TMCO5A: variants seen among roughly 807,000 people sequenced by gnomAD.
TMCO5A encodes transmembrane and coiled-coil domains 5A.
Under a neutral mutation model 42.3 loss-of-function variants are expected in TMCO5A, and 34 were observed. The observed-to-expected ratio is 0.80, with a 90% CI of 0.61 to 1.07. TMCO5A has a LOEUF of 1.07. TMCO5A is among the 50% of genes least tolerant of loss of function. The pLI, the probability that TMCO5A is intolerant of heterozygous loss-of-function variation, is 0.00. For missense variants in TMCO5A, 357 were observed against 327.9 expected, an observed-to-expected ratio of 1.09 and a Z score of -0.69; for synonymous variants, 131 against 115.6, an observed-to-expected ratio of 1.13 and a Z score of -0.86.
the TMCO5A span, among the ~76,000 whole-genome samples, chr15:38,006,946 C>T: frequency 6.6e-6 from 1 of 151,834 alleles, no homozygotes; most frequent in Non-Finnish European, 1.5e-5. Context: ...CATTGTAGCA[C>T]TAAAGCAGCT....
chr15:38,034,270 A>C, the TMCO5A span, among the ~76,000 whole-genome samples: 1 of 152,266 alleles, frequency 6.6e-6, no homozygotes, highest in African/African-American at 2.4e-5. Flanking sequence ...CACATTGCCA[A>C]TTAAGTTTCA....
At chr15:37,978,273 T>C in the TMCO5A span, among the ~76,000 whole-genome samples, 2 of 152,148 alleles carry the variant, frequency 1.3e-5, no homozygotes, top group Non-Finnish European at 1.5e-5. Flanking sequence ...AATAAAGCCC[T>C]CAGACTCTTT....
chr15:38,007,951 A>T, the TMCO5A span, among the ~76,000 whole-genome samples: 2 of 119,722 alleles, frequency 1.7e-5, no homozygotes, highest in Admixed American at 2.4e-4. Context: ...GCTGGAGTGC[A>T]GTGGCACGAT....
the TMCO5A span, among the ~76,000 whole-genome samples, chr15:37,986,503 C>T: frequency 6.6e-6 from 1 of 151,282 alleles, no homozygotes; most frequent in Non-Finnish European, 1.5e-5. Context: ...TACAGTTCAG[C>T]AGCATTAAGT....
intron 5 of TMCO5A, 134 bp downstream of exon 5, chr15:37,937,530 T>C: frequency 1.2e-6 from 1 of 860,728 alleles, no homozygotes; most frequent in Non-Finnish European, 1.8e-6. Flanking sequence ...TATTACTCTC[T>C]AATCCACTCT....
the TMCO5A span, among the ~76,000 whole-genome samples, chr15:38,008,624 G>T: frequency 6.6e-6 from 1 of 152,162 alleles, no homozygotes; most frequent in African/African-American, 2.4e-5. Context: ...ATAAGCTTCT[G>T]ATATCCCTGG....
At chr15:38,012,091 T>C in the TMCO5A span, among the ~76,000 whole-genome samples, 1 of 150,062 alleles carries the variant, frequency 6.7e-6, no homozygotes, top group African/African-American at 2.5e-5. Context: ...GCCACTGCAC[T>C]CCACCCTAGG....
chr15:37,981,413 C>G, the TMCO5A span, among the ~76,000 whole-genome samples: 9 of 152,160 alleles, frequency 5.9e-5, no homozygotes, highest in Non-Finnish European at 1.3e-4. Flanking sequence ...TTTTATTTTA[C>G]TGCAGCTATT....
the TMCO5A span, among the ~76,000 whole-genome samples, chr15:38,020,880 T>A: frequency 1.3e-5 from 2 of 152,148 alleles, no homozygotes; most frequent in South Asian, 2.1e-4. Flanking sequence ...AGGTAAACTT[T>A]GTTGGTTTAA....
At chr15:37,981,959 C>T in the TMCO5A span, among the ~76,000 whole-genome samples, 10 of 152,294 alleles carry the variant, frequency 6.6e-5, no homozygotes, top group Non-Finnish European at 1.3e-4. Context: ...GATTTGACCA[C>T]AGTAGCCTGT....
intron 11 of TMCO5A, among the ~76,000 whole-genome samples, chr15:37,966,334 C>T (rs1039212232): frequency 6.6e-6 from 1 of 151,634 alleles, no homozygotes; most frequent in African/African-American, 2.4e-5. Context: ...AACAGGGTGA[C>T]TATCATCGAT....
At chr15:37,992,545 G>A in the TMCO5A span, among the ~76,000 whole-genome samples, 4 of 152,102 alleles carry the variant, frequency 2.6e-5, no homozygotes, top group African/African-American at 7.2e-5. Flanking sequence ...ACACATGCAC[G>A]TATACATTCA....
the TMCO5A span, among the ~76,000 whole-genome samples, chr15:38,008,188 C>T: frequency 6.6e-6 from 1 of 151,198 alleles, no homozygotes; most frequent in African/African-American, 2.4e-5. Flanking sequence ...AGCCACCGTG[C>T]CCAGCCAAAC....
the TMCO5A span, among the ~76,000 whole-genome samples, chr15:37,981,120 T>C: frequency 6.6e-6 from 1 of 151,040 alleles, no homozygotes; most frequent in South Asian, 2.1e-4. Context: ...ACTGCATTCT[T>C]TGGAATCATA....
At chr15:37,935,611 A>G (rs1889482839) in intron 2 of TMCO5A, among the ~76,000 whole-genome samples, 2 of 152,284 alleles carry the variant, frequency 1.3e-5, no homozygotes, top group East Asian at 1.9e-4. Flanking sequence ...ATTAATTTAC[A>G]TTAGTAGAAA....
chr15:38,023,220 A>G, the TMCO5A span, among the ~76,000 whole-genome samples: 1 of 152,236 alleles, frequency 6.6e-6, no homozygotes. Context: ...AGAGTCCAGA[A>G]GCAGACATAT....
downstream of TMCO5A, among the ~76,000 whole-genome samples, chr15:37,969,897 C>T (rs1160977151): frequency 6.6e-6 from 1 of 152,138 alleles, no homozygotes; most frequent in Non-Finnish European, 1.5e-5. Context: ...TATATATATA[C>T]CACATTTTAT....
intron 9 of TMCO5A, 197 bp downstream of exon 9, chr15:37,942,452 C>A: frequency 1.8e-6 from 1 of 549,598 alleles, no homozygotes; most frequent in East Asian, 2.7e-5. Context: ...TCCCATCCTT[C>A]TAAAAAGACC....
intron 10 of TMCO5A, 68 bp downstream of exon 10, chr15:37,943,466 T>C: frequency 6.6e-7 from 1 of 1,509,932 alleles, no homozygotes; most frequent in Non-Finnish European, 9.2e-7. Flanking sequence ...TCCAGCAAAC[T>C]ATAAGGCACC....
Sources: gnomAD v4.1 joint callset for allele counts (sites outside exome capture counted in the v4.1 genomes callset) on GRCh38, gnomAD v4.1.1 for gene constraint, MANE v1.5 for transcripts, NCBI Gene and HGNC (gene_info 2026-07-23, HGNC 2026-07-21) for gene names.